Variants in NBAS observed in about 807,000 individuals in gnomAD.
The protein encoded by NBAS is NBAS subunit of NRZ tethering complex, also known as NAG/BC035112 fusion.
Under a neutral mutation model 302.5 loss-of-function variants are expected in NBAS, and 219 were observed. The observed-to-expected ratio is 0.72, with a 90% CI of 0.65 to 0.81. The LOEUF (loss-of-function observed/expected upper bound fraction) is 0.81. Among genes scored for constraint, NBAS ranks in the 30% least tolerant of loss-of-function variants. The pLI, the probability that NBAS is intolerant of heterozygous loss-of-function variation, is 0.00. For missense variants in NBAS, 2,932 were observed against 2,841.6 expected (o/e 1.03, Z -0.72); for synonymous variants, 1,118 against 1,021.6 (o/e 1.09, Z -1.80).
the NBAS span, among the ~76,000 whole-genome samples, chr2:15,110,298 T>C: frequency 0.96 from 146,872 of 152,224 alleles, 70,879 homozygotes; most frequent in East Asian, 1. Context: ...AACTATCTTA[T>C]TGTAAGTAGC....
At chr2:15,254,803 T>C (rs1427317816) in intron 44 of NBAS, among the ~76,000 whole-genome samples, 1 of 152,216 alleles carries the variant, frequency 6.6e-6, no homozygotes, top group African/African-American at 2.4e-5. Context: ...TGTTTGGTTT[T>C]CCACTCCTGA....
intron 27 of NBAS, 42 bp from the exon 28 acceptor site, chr2:15,394,391 CAAAA>C (rs746951793): frequency 3.1e-6 from 5 of 1,603,316 alleles, no homozygotes; most frequent in African/African-American, 2.7e-5. Flanking sequence ...TGCTACCAAA[CAAAA>C]AGAGTCTAAG....
intron 21 of NBAS, among the ~76,000 whole-genome samples, chr2:15,455,997 A>G (rs922230233): frequency 6.6e-6 from 1 of 152,160 alleles, no homozygotes; most frequent in Non-Finnish European, 1.5e-5. Context: ...GGAAGCTAAC[A>G]AAGACTGCAA....
At chr2:15,057,872 TGC>T in the NBAS span, among the ~76,000 whole-genome samples, 2 of 152,240 alleles carry the variant, frequency 1.3e-5, no homozygotes, top group Non-Finnish European at 2.9e-5. Flanking sequence ...TGAATTGTGC[TGC>T]TATAAACATG....
chr2:15,273,366 C>T (rs986234849), intron 44 of NBAS, among the ~76,000 whole-genome samples: 4 of 152,234 alleles, frequency 2.6e-5, no homozygotes, highest in East Asian at 3.9e-4. Context: ...GGACATGCTG[C>T]TCCTACTGGG....
chr2:15,397,696 A>C (rs147753083), intron 26 of NBAS: 139 of 485,472 alleles, frequency 2.9e-4, no homozygotes, highest in African/African-American at 2.7e-3. Context: ...ACTCGGGCAC[A>C]CATTGGGCAC....
At chr2:14,837,236 A>G in the NBAS span, among the ~76,000 whole-genome samples, 629 of 152,006 alleles carry the variant, frequency 4.1e-3, 6 homozygotes, top group African/African-American at 0.015. Context: ...CCCAATCTCA[A>G]ATGGAAAATC....
Position 15,330,652 on chromosome 2 carries a change from G to T in NBAS, c.4293C>A (p.Ala1431=). 1 of 1,614,026 alleles carries T rather than the reference G, an allele frequency of 6.2e-7. No homozygotes were observed. The highest frequency in any genetic ancestry group is 8.5e-7 in the Non-Finnish European group (1 of 1,179,948). Reference sequence around the variant, plus strand: ...TCTTCCACCACTGCCCATCACTGACGGCCTGCAGCACCGCTTTGGTGGTGG... The same window carrying T: ...TCTTCCACCACTGCCCATCACTGACTGCCTGCAGCACCGCTTTGGTGGTGG... The part of the protein sequence containing the change: ...TTTTTKAVLQ[A]VSDGQWWKKS... Residue 1431 remains alanine (A), a synonymous_variant, in exon 36 of 52, where the codon GCC becomes GCA. Coordinates refer to ENST00000281513, the MANE Select transcript of NBAS (RefSeq NM_015909.4).
At chr2:15,232,613 A>G (rs1572493354) in intron 46 of NBAS, 102 bp from the exon 47 acceptor site, 1 of 956,872 alleles carries the variant, frequency 1.0e-6, no homozygotes, top group East Asian at 2.6e-5. Context: ...ATTTTGGCAC[A>G]GTATACTGCC....
chr2:14,813,002 A>G, the NBAS span, among the ~76,000 whole-genome samples: 1 of 152,096 alleles, frequency 6.6e-6, no homozygotes, highest in Non-Finnish European at 1.5e-5. Context: ...CTTACCTGCC[A>G]CTATATGAAG....
chr2:15,403,485 C>T (rs1048737578), intron 25 of NBAS, among the ~76,000 whole-genome samples: 5 of 152,060 alleles, frequency 3.3e-5, no homozygotes, highest in African/African-American at 1.2e-4. Context: ...TCATTATTCC[C>T]TAAACAATAT....
intron 40 of NBAS, among the ~76,000 whole-genome samples, chr2:15,300,818 A>C (rs1558515315): frequency 6.6e-6 from 1 of 152,226 alleles, no homozygotes; most frequent in Non-Finnish European, 1.5e-5. Context: ...AGTAAGTTTC[A>C]GAGGAGGCGC....
At chr2:15,297,040 T>C (rs985730698) in intron 40 of NBAS, among the ~76,000 whole-genome samples, 1 of 152,232 alleles carries the variant, frequency 6.6e-6, no homozygotes, top group Admixed American at 6.5e-5. Flanking sequence ...TATTTAAGAA[T>C]AAAAACCTAG....
intron 45 of NBAS, among the ~76,000 whole-genome samples, chr2:15,236,393 C>T (rs1372773626): frequency 2.6e-5 from 4 of 150,972 alleles, no homozygotes; most frequent in Admixed American, 1.3e-4. Flanking sequence ...ACAAAAAATA[C>T]AAAAAATTAG....
chr2:15,175,943 T>C (rs776604207), intron 51 of NBAS, among the ~76,000 whole-genome samples: 3 of 152,230 alleles, frequency 2.0e-5, no homozygotes, highest in Admixed American at 6.5e-5. Context: ...CTGCACACCA[T>C]GCAGGAGAGA....
the NBAS span, among the ~76,000 whole-genome samples, chr2:14,797,059 G>A: frequency 1.4e-5 from 2 of 145,352 alleles, no homozygotes; most frequent in African/African-American, 5.2e-5. Flanking sequence ...GCCACTCACT[G>A]CACTGTAGCC....
intron 11 of NBAS, among the ~76,000 whole-genome samples, chr2:15,492,618 G>A (rs571350517): frequency 4.6e-5 from 7 of 152,172 alleles, no homozygotes; most frequent in African/African-American, 1.7e-4. Flanking sequence ...CACCATGCCT[G>A]GCTAACTTTT....
the NBAS span, among the ~76,000 whole-genome samples, chr2:14,913,230 G>C: frequency 6.6e-6 from 1 of 152,170 alleles, no homozygotes; most frequent in African/African-American, 2.4e-5. Context: ...AAAAGAGAAG[G>C]ACAGATAAAC....
the NBAS span, among the ~76,000 whole-genome samples, chr2:14,815,735 T>C: frequency 6.6e-6 from 1 of 152,164 alleles, no homozygotes; most frequent in African/African-American, 2.4e-5. Flanking sequence ...CAGGACATAT[T>C]AATCTGGAGG....
Sources: gnomAD v4.1 joint callset for allele counts (sites outside exome capture counted in the v4.1 genomes callset) on GRCh38, gnomAD v4.1.1 for gene constraint, MANE v1.5 for transcripts, NCBI Gene and HGNC (gene_info 2026-07-23, HGNC 2026-07-21) for gene names.